Variants in DDX39B observed in about 807,000 individuals in gnomAD.
DDX39B encodes DExD-box helicase 39B.
A neutral mutation model predicts 46.4 loss-of-function variants in DDX39B; 6 were observed. The ratio of observed to expected loss-of-function variants is 0.13; its 90% CI spans 0.07 to 0.26. DDX39B has a LOEUF of 0.26. Ranked by LOEUF, DDX39B falls within the 10% of genes least tolerant of loss-of-function variation. The probability of loss-of-function intolerance (pLI) is 1.00; values close to 1 mark genes in which losing one functional copy is unlikely to be tolerated. For synonymous variants in DDX39B, 174 were observed against 199.4 expected, an observed-to-expected ratio of 0.87 and a Z score of 1.07; for missense variants, 185 against 553.4, an observed-to-expected ratio of 0.33 and a Z score of 6.68.
In DDX39B at chr6:31,534,235, A is replaced by G. The variant is rs999522355; in HGVS notation, c.735+1132T>C. ...AGCTAGTCTCAAATTCCTGGGCTCA[A>G]GCAATCCTCCCACCTTGGCCTCCCA... On this transcript the variant is annotated intron_variant, in intron 6 of 10. Coordinates refer to ENST00000396172, the MANE Select transcript of DDX39B (RefSeq NM_004640.7). This position sits in a 1 kb window ranked among gnomAD's most constrained non-coding sequence, Gnocchi z 5.1. 8.5e-6 allele frequency: 2 copies of G among 234,528 alleles called. No homozygotes were observed. Among genetic ancestry groups the G allele is most frequent in the African/African-American group, 4.6e-5 (2 of 43,848 alleles). 14.5% of individuals were successfully genotyped at this position (234,528 alleles called of 1,614,324 possible). A position where few individuals can be genotyped will look rare whatever the true frequency, so the allele number is the denominator to read the frequency against.
In DDX39B at chr6:31,531,998, T is replaced by C. The variant is rs1424763529; in HGVS notation, c.868-593A>G. On this transcript the variant is annotated intron_variant, in intron 7 of 10. Coordinates refer to ENST00000396172, the MANE Select transcript of DDX39B (RefSeq NM_004640.7). The surrounding 1 kb of genome is among the most constrained non-coding windows in gnomAD (Gnocchi z 5.8). ...ACGCCCAGCTACTTTTTTTATTTTTTATTTTTACTATTTGTAGAGACGGGC... is the reference window on the plus strand; with the variant it reads ...ACGCCCAGCTACTTTTTTTATTTTTCATTTTTACTATTTGTAGAGACGGGC... Among the ~76,000 whole-genome samples, 4 of 152,080 alleles carry C rather than the reference T, an allele frequency of 2.6e-5. No individual in the cohort carries two copies. The highest frequency in any genetic ancestry group is 2.9e-5 in the Non-Finnish European group (2 of 68,016).
Position 31,534,364 on chromosome 6 carries a change from TAA to T in DDX39B, c.735+1001_735+1002del. ...ATCTCATTCTAGCCCCAAATACAGC[TAA>T]AGAGTGATCATCCCACGGGAAGGAA... On this transcript the variant is annotated intron_variant, in intron 6 of 10. Transcript: ENST00000396172. The surrounding 1 kb of genome is among the most constrained non-coding windows in gnomAD (Gnocchi z 5.1). The T allele has an allele frequency of 2.4e-6, 1 of 414,334 alleles. No homozygotes were observed. The highest frequency in any genetic ancestry group is 4.9e-6 in the Non-Finnish European group (1 of 203,048). 25.7% of individuals were successfully genotyped at this position (414,334 alleles called of 1,614,324 possible).
intron 3 of DDX39B, 27 bp from the exon 4 acceptor site, chr6:31,538,882 A>T (rs1249072686): frequency 6.2e-7 from 1 of 1,604,206 alleles, no homozygotes; most frequent in East Asian, 2.2e-5. Flanking sequence ...ACGGAGACAT[A>T]TGGTAAATGT....
Position 31,534,109 on chromosome 6 carries a change from A to G in DDX39B, c.736-1198T>C, listed in dbSNP as rs949654963. On this transcript the variant is annotated intron_variant, in intron 6 of 10. Transcript: ENST00000396172. The surrounding 1 kb of genome is among the most constrained non-coding windows in gnomAD (Gnocchi z 5.1). ...CTGCCACCTCCACGTCCCGGGCTCA[A>G]GCAAACCCTCCTGCCTCAGCTTCCC... 4.2e-5 allele frequency: 7 copies of G among 164,870 alleles called. No individual in the cohort carries two copies. The highest frequency in any genetic ancestry group is 1.2e-4 in the African/African-American group (5 of 41,786). 10.2% of individuals were successfully genotyped at this position (164,870 alleles called of 1,614,324 possible). A position where few individuals can be genotyped will look rare whatever the true frequency, so the allele number is the denominator to read the frequency against.
intron 2 of DDX39B, 149 bp downstream of exon 2, chr6:31,540,173 T>C (rs1768247811): frequency 3.6e-6 from 3 of 841,724 alleles, no homozygotes; most frequent in Admixed American, 5.3e-5. Context: ...CCTCCCAAAG[T>C]GCTGGGATTA....
rs1276191071 is a variant in DDX39B, at chr6:31,534,402, AG to A, written c.735+964del. Reference sequence around the variant, plus strand: ...TCCCACGGGAAGGAACACTGCAGGGAGGGGAAGAACACACTCCACTGCTTAT... The same window carrying A: ...TCCCACGGGAAGGAACACTGCAGGGAGGGAAGAACACACTCCACTGCTTAT... On this transcript the variant is annotated intron_variant, in intron 6 of 10. Transcript: ENST00000396172. This position sits in a 1 kb window ranked among gnomAD's most constrained non-coding sequence, Gnocchi z 5.1. 4.4e-6 allele frequency: 2 copies of A among 455,530 alleles called. No homozygotes were observed. The highest frequency in any genetic ancestry group is 7.0e-5 in the East Asian group (1 of 14,288). The allele number at this position is 455,530 out of a possible 1,614,324, so 28.2% of individuals were successfully genotyped here.
Position 31,534,681 on chromosome 6 carries a change from T to TC in DDX39B, c.735+685dup, listed in dbSNP as rs1767580968. Reference sequence around the variant, plus strand: ...TGGTCCTCAGCTTCCTGGTCAGGTTTCCCCGCGGCCTCCGCTGCCGCCATC... The same window carrying TC: ...TGGTCCTCAGCTTCCTGGTCAGGTTTCCCCCGCGGCCTCCGCTGCCGCCATC... On this transcript the variant is annotated intron_variant, in intron 6 of 10. Transcript: ENST00000396172. The surrounding 1 kb of genome is among the most constrained non-coding windows in gnomAD (Gnocchi z 5.1). The TC allele has an allele frequency of 2.8e-6, 1 of 356,362 alleles. No individual in the cohort carries two copies. The highest frequency in any genetic ancestry group is 2.1e-5 in the African/African-American group (1 of 46,820). The allele number at this position is 356,362 out of a possible 1,614,324, so 22.1% of individuals were successfully genotyped here.
At chr6:31,540,806 G>A in intron 1 of DDX39B, 142 bp from the exon 2 acceptor site, 1 of 539,838 alleles carries the variant, frequency 1.9e-6, no homozygotes. Flanking sequence ...AAAACGAAAA[G>A]CAAATATAAC....
In DDX39B at chr6:31,531,630, C is replaced by A; in HGVS notation, c.868-225G>T. On this transcript the variant is annotated intron_variant, in intron 7 of 10. Transcript: ENST00000396172. This position sits in a 1 kb window ranked among gnomAD's most constrained non-coding sequence, Gnocchi z 5.8. ...CTGGCCTCTGAGGTAGCACAGAGTTCAGAAATCAAAATTGCCAGACATGCT... is the reference window on the plus strand; with the variant it reads ...CTGGCCTCTGAGGTAGCACAGAGTTAAGAAATCAAAATTGCCAGACATGCT... 3.7e-6 allele frequency: 2 copies of A among 535,592 alleles called. No individual in the cohort carries two copies. Among genetic ancestry groups the A allele is most frequent in the Non-Finnish European group, 6.6e-6 (2 of 304,010 alleles). 33.2% of individuals were successfully genotyped at this position (535,592 alleles called of 1,614,324 possible). A position where few individuals can be genotyped will look rare whatever the true frequency, so the allele number is the denominator to read the frequency against.
Position 31,534,004 on chromosome 6 carries a change from GGTTTTGTTTTTT to G in DDX39B, c.736-1105_736-1094del, listed in dbSNP as rs1767489506. ...ACCAGAAGCCCAATCCCAGAAGGCA[GGTTTTGTTTTTT>G]GTTTTGTTTTGATACAGGGTCTCTC... On this transcript the variant is annotated intron_variant, in intron 6 of 10. Transcript: ENST00000396172. The surrounding 1 kb of genome is among the most constrained non-coding windows in gnomAD (Gnocchi z 5.1). The G allele has an allele frequency of 6.6e-6, 1 of 152,296 alleles. No individual in the cohort carries two copies. The highest frequency in any genetic ancestry group is 1.5e-5 in the Non-Finnish European group (1 of 68,188). 9.4% of individuals were successfully genotyped at this position (152,296 alleles called of 1,614,324 possible). A position where few individuals can be genotyped will look rare whatever the true frequency, so the allele number is the denominator to read the frequency against.
intron 7 of DDX39B, chr6:31,532,514 A>G: frequency 2.7e-6 from 1 of 363,940 alleles, no homozygotes; most frequent in South Asian, 2.9e-5. Flanking sequence ...TGCTGGGATT[A>G]CACACATAAG....
chr6:31,541,091 C>G (rs745560216), intron 1 of DDX39B: 1 of 533,462 alleles, frequency 1.9e-6, no homozygotes, highest in Admixed American at 1.9e-5. Flanking sequence ...TTATGGATGC[C>G]TAACTCAGCA....
rs771584568 is a variant in DDX39B, at chr6:31,540,329, C to A, written c.204G>T (p.Pro68=). ...RAIVDCGFEH[P]SEVQHECIPQ... Reference sequence around the variant, plus strand: ...GCCCAAGAGAAAATTTACCTTCTGACGGATGCTCAAAGCCACAGTCGACAA... The same window carrying A: ...GCCCAAGAGAAAATTTACCTTCTGAAGGATGCTCAAAGCCACAGTCGACAA... The change falls in exon 2 of 11, where the codon CCG becomes CCT. Residue 68 remains proline (P), a synonymous_variant. Transcript: ENST00000396172. The A allele has an allele frequency of 3.7e-6, 6 of 1,614,162 alleles. No homozygotes were observed. In the South Asian group the frequency reaches 6.6e-5, roughly 18 times the overall value.
At position 31,531,249 on chromosome 6, in the gene DDX39B, T is replaced by C; in HGVS notation, c.977+47A>G. On this transcript the variant is annotated intron_variant, in intron 8 of 10. Transcript: ENST00000396172. This position sits in a 1 kb window ranked among gnomAD's most constrained non-coding sequence, Gnocchi z 5.8. ...TGTTGAGATTCCCTTCTCTCAACTG[T>C]CTTTTTCTCCCAAGGACACAAAATA... 1 of 1,614,098 alleles carries C rather than the reference T, an allele frequency of 6.2e-7. No individual in the cohort carries two copies. The highest frequency in any genetic ancestry group is 1.1e-5 in the South Asian group (1 of 91,068).
chr6:31,536,617 G>A lies in DDX39B; in HGVS notation c.499C>T (p.His167Tyr). The change falls in exon 5 of 11, where the codon CAT (histidine) becomes TAT (tyrosine). Residue 167 changes from histidine (H) to tyrosine (Y), a missense_variant. His to Tyr is a moderately conservative substitution (Grantham distance 83). This residue lies in a region of DDX39B where 110 missense variants were observed against 282.2 expected (regional missense o/e 0.39). Transcript: ENST00000396172. ...DEEVLKKNCP[H>Y]IVVGTPGRIL... ...CGGCCTGGAGTCCCCACGACGATAT[G>A]CGGGCAGTTCTTCTTCAGCACCTCT... 6.2e-7 allele frequency: 1 copy of A among 1,613,220 alleles called. No individual in the cohort carries two copies. Among genetic ancestry groups the A allele is most frequent in the South Asian group, 1.1e-5 (1 of 91,074 alleles).
At position 31,534,611 on chromosome 6, in the gene DDX39B, C is replaced by A; in HGVS notation, c.735+756G>T. 1 of 402,542 alleles carries A rather than the reference C, an allele frequency of 2.5e-6. No individual in the cohort carries two copies. Among genetic ancestry groups the A allele is most frequent in the South Asian group, 1.8e-5 (1 of 54,386 alleles). 24.9% of individuals were successfully genotyped at this position (402,542 alleles called of 1,614,324 possible). A position where few individuals can be genotyped will look rare whatever the true frequency, so the allele number is the denominator to read the frequency against. ...ATTGGGGGAAACGGGGCACGGCACG[C>A]GTTGGGTTCAGGAAAAAAACCGGGA... On this transcript the variant is annotated intron_variant, in intron 6 of 10. Coordinates refer to ENST00000396172, the MANE Select transcript of DDX39B (RefSeq NM_004640.7). The surrounding 1 kb of genome is among the most constrained non-coding windows in gnomAD (Gnocchi z 5.1).
Position 31,534,230 on chromosome 6 carries a change from GCTCAAGCAATC to G in DDX39B, c.735+1126_735+1136del, listed in dbSNP as rs1767517935. ...GCCCCAGCTAGTCTCAAATTCCTGG[GCTCAAGCAATC>G]CTCCCACCTTGGCCTCCCAAAGTGC... On this transcript the variant is annotated intron_variant, in intron 6 of 10. Coordinates refer to ENST00000396172, the MANE Select transcript of DDX39B (RefSeq NM_004640.7). This position sits in a 1 kb window ranked among gnomAD's most constrained non-coding sequence, Gnocchi z 5.1. The G allele has an allele frequency of 8.6e-6, 2 of 231,564 alleles. No individual in the cohort carries two copies. The allele number at this position is 231,564 out of a possible 1,614,324, so 14.3% of individuals were successfully genotyped here.
At chr6:31,533,969 T>C (rs1367896088) in intron 6 of DDX39B, 3 of 152,474 alleles carry the variant, frequency 2.0e-5, no homozygotes, top group South Asian at 2.1e-4. Flanking sequence ...GCGTGTGTCA[T>C]GGGAAAAAAA....
intron 2 of DDX39B, among the ~76,000 whole-genome samples, chr6:31,539,552 T>C (rs574608901): frequency 2.6e-5 from 4 of 152,326 alleles, no homozygotes; most frequent in South Asian, 4.1e-4. Context: ...TCACCTTCAA[T>C]GATCCTAGCT....
Sources: allele counts gnomAD v4.1 joint callset (sites outside exome capture counted in the v4.1 genomes callset), GRCh38; gene constraint gnomAD v4.1.1; regional missense constraint gnomAD v4.1.1; non-coding constraint Gnocchi (gnomAD v3.1); transcripts MANE v1.5; gene names NCBI Gene and HGNC (gene_info 2026-07-23, HGNC 2026-07-21).